The following LRRC7 variants were observed in gnomAD, a reference collection of about 807,000 sequenced individuals.
The protein encoded by LRRC7 is leucine rich repeat containing 7, also known as leucine-rich repeat-containing protein 7.
A neutral mutation model predicts 175.7 loss-of-function variants in LRRC7; 23 were observed. The ratio of observed to expected loss-of-function variants is 0.13; its 90% CI spans 0.09 to 0.19. The LOEUF is 0.19. LRRC7 is among the 10% of genes least tolerant of loss of function. The pLI, the probability that LRRC7 is intolerant of heterozygous loss-of-function variation, is 1.00. For missense variants in LRRC7, 1,354 were observed against 1,904.7 expected (o/e 0.71, Z 5.38); for synonymous variants, 685 against 680.9 (o/e 1.01, Z -0.09).
At chr1:69,840,986 G>A (rs1180669890) in intron 7 of LRRC7, among the ~76,000 whole-genome samples, 1 of 151,996 alleles carries the variant, frequency 6.6e-6, no homozygotes, top group Non-Finnish European at 1.5e-5. Flanking sequence ...CCAAGCCTTT[G>A]TTTGCTTATT....
At chr1:69,739,412 A>C (rs1668470944) in intron 2 of LRRC7, among the ~76,000 whole-genome samples, 1 of 152,060 alleles carries the variant, frequency 6.6e-6, no homozygotes, top group African/African-American at 2.4e-5. Context: ...TAGAAGAAGA[A>C]ATTCTTTCTA....
At chr1:69,815,360 T>A (rs1678463332) in intron 4 of LRRC7, among the ~76,000 whole-genome samples, 1 of 152,204 alleles carries the variant, frequency 6.6e-6, no homozygotes, top group Admixed American at 6.5e-5. Context: ...TCAGACAGCT[T>A]ATTTTCAGCT....
At chr1:69,837,764 G>C (rs1455126600) in intron 6 of LRRC7, among the ~76,000 whole-genome samples, 2 of 151,476 alleles carry the variant, frequency 1.3e-5, no homozygotes, top group Non-Finnish European at 1.5e-5. Context: ...AAATATCTCA[G>C]TTAATTTTAG....
At chr1:69,703,021 G>A (rs2100702905) in intron 2 of LRRC7, among the ~76,000 whole-genome samples, 1 of 152,082 alleles carries the variant, frequency 6.6e-6, no homozygotes, top group East Asian at 1.9e-4. Flanking sequence ...CTTGTTCTCT[G>A]GCTCACTGAT....
At chr1:69,908,425 C>G (rs1646400338) in intron 7 of LRRC7, among the ~76,000 whole-genome samples, 1 of 151,948 alleles carries the variant, frequency 6.6e-6, no homozygotes, top group Admixed American at 6.5e-5. Flanking sequence ...CCTCTACACA[C>G]TGCTTTGAAT....
At chr1:69,804,616 A>C (rs761853534) in intron 4 of LRRC7, among the ~76,000 whole-genome samples, 1 of 151,644 alleles carries the variant, frequency 6.6e-6, no homozygotes, top group Admixed American at 6.6e-5. Context: ...AAATATCTAC[A>C]TTGCATGTAA....
chr1:70,096,349 C>T (rs1270736505), intron 25 of LRRC7, among the ~76,000 whole-genome samples: 3 of 152,158 alleles, frequency 2.0e-5, no homozygotes, highest in Non-Finnish European at 2.9e-5. Context: ...GTATCTGATT[C>T]TAAGTACAGT....
chr1:69,710,136 G>T (rs1000344070), intron 2 of LRRC7, among the ~76,000 whole-genome samples: 1 of 151,942 alleles, frequency 6.6e-6, no homozygotes. Flanking sequence ...AAATTAGCCA[G>T]GTGTGGTGAT....
intron 2 of LRRC7, among the ~76,000 whole-genome samples, chr1:69,721,062 C>A (rs1404853664): frequency 6.6e-6 from 1 of 151,696 alleles, no homozygotes; most frequent in Non-Finnish European, 1.5e-5. Context: ...AAAACATAGA[C>A]TTTATTTTTA....
At chr1:69,753,646 C>A (rs549227505) in intron 2 of LRRC7, among the ~76,000 whole-genome samples, 1 of 152,014 alleles carries the variant, frequency 6.6e-6, no homozygotes, top group Non-Finnish European at 1.5e-5. Context: ...TCATATTTTA[C>A]ACCCGTATTC....
chr1:70,016,611 T>G lies in LRRC7; in HGVS notation c.1320+77T>G, dbSNP rs1419650670. ...GTTTGAATTACTAATTTATTCCCAATAGATACCTTTGACAGCAGCTACAAA... is the reference window on the plus strand; with the variant it reads ...GTTTGAATTACTAATTTATTCCCAAGAGATACCTTTGACAGCAGCTACAAA... On this transcript the variant is annotated intron_variant, in intron 14 of 26. Transcript: ENST00000651989. 3 of 1,113,556 alleles carry G rather than the reference T, an allele frequency of 2.7e-6. No individual in the cohort carries two copies. The East Asian group carries it at 8.0e-5, about 30-fold the overall frequency. The allele number at this position is 1,113,556 out of a possible 1,614,324, so 69.0% of individuals were successfully genotyped here. A position where few individuals can be genotyped will look rare whatever the true frequency, so the allele number is the denominator to read the frequency against.
At chr1:69,760,149 G>A (rs17397812) in intron 2 of LRRC7, 42 bp from the exon 3 acceptor site, 330,906 of 1,597,898 alleles carry the variant, frequency 0.21, 36,999 homozygotes, top group Non-Finnish European at 0.23. Flanking sequence ...CAAGGGCACT[G>A]GATAAGCTGT....
chr1:69,848,570 T>C (rs1682624172), intron 7 of LRRC7, among the ~76,000 whole-genome samples: 1 of 152,132 alleles, frequency 6.6e-6, no homozygotes, highest in African/African-American at 2.4e-5. Flanking sequence ...TACCCCATTA[T>C]TGATAGTTGG....
At chr1:69,643,190 T>C (rs1298941428) in intron 1 of LRRC7, among the ~76,000 whole-genome samples, 1 of 152,116 alleles carries the variant, frequency 6.6e-6, no homozygotes, top group African/African-American at 2.4e-5. Flanking sequence ...TGGTTCTAAA[T>C]GGATGAGATG....
intron 7 of LRRC7, among the ~76,000 whole-genome samples, chr1:69,893,416 A>G (rs1645892956): frequency 6.6e-6 from 1 of 152,240 alleles, no homozygotes; most frequent in South Asian, 2.1e-4. Flanking sequence ...GAGGAGCATA[A>G]AAATATTTCC....
intron 2 of LRRC7, among the ~76,000 whole-genome samples, chr1:69,681,312 G>A (rs1660462347): frequency 6.6e-6 from 1 of 152,114 alleles, no homozygotes; most frequent in African/African-American, 2.4e-5. Context: ...TAGCTTTTCT[G>A]CACTAAGAAT....
At chr1:69,732,627 C>G (rs1431897492) in intron 2 of LRRC7, among the ~76,000 whole-genome samples, 1 of 151,772 alleles carries the variant, frequency 6.6e-6, no homozygotes, top group African/African-American at 2.4e-5. Flanking sequence ...ATAATAAAGT[C>G]CCATACTGAA....
intron 1 of LRRC7, among the ~76,000 whole-genome samples, chr1:69,624,838 G>C (rs74859513): frequency 0.13 from 19,459 of 151,980 alleles, 1,570 homozygotes; most frequent in South Asian, 0.19. Flanking sequence ...CTTCTGGACT[G>C]TTGTTTTTCA....
intron 7 of LRRC7, among the ~76,000 whole-genome samples, chr1:69,916,099 T>TTA (rs376140870): frequency 0.15 from 3,660 of 24,262 alleles, 97 homozygotes; most frequent in Middle Eastern, 0.29. Context: ...TATACATATT[T>TTA]TATATATAAT....
Sources: gnomAD v4.1 joint callset for allele counts (sites outside exome capture counted in the v4.1 genomes callset) on GRCh38, gnomAD v4.1.1 for gene constraint, MANE v1.5 for transcripts, NCBI Gene and HGNC (gene_info 2026-07-23, HGNC 2026-07-21) for gene names.